The following PPIG variants were observed in gnomAD, a reference collection of about 807,000 sequenced individuals.
PPIG encodes the protein peptidyl-prolyl cis-trans isomerase G.
In PPIG, 26 loss-of-function variants were observed where a neutral mutation model predicts 87.9. The ratio of observed to expected loss-of-function variants is 0.30; its 90% CI spans 0.22 to 0.41. PPIG has a LOEUF of 0.41. Ranked by LOEUF, PPIG falls within the 10% of genes least tolerant of loss-of-function variation. The probability of loss-of-function intolerance (pLI) is 1.00; values close to 1 mark genes in which losing one functional copy is unlikely to be tolerated. For missense variants in PPIG, 722 were observed against 879.4 expected (o/e 0.82, Z 2.26); for synonymous variants, 308 against 276.5 (o/e 1.11, Z -1.13).
chr2:169,607,318 G>A (rs1426917582), intron 6 of PPIG, among the ~76,000 whole-genome samples, 170 bp downstream of exon 6: 1 of 151,962 alleles, frequency 6.6e-6, no homozygotes, highest in Non-Finnish European at 1.5e-5. Flanking sequence ...TATACAGATG[G>A]GTATTTTTTC....
In PPIG at chr2:169,637,176, AACAAAG is replaced by A; in HGVS notation, c.1924_1929del (p.Asp642_Lys643del). 6.2e-7 allele frequency: 1 copy of A among 1,613,198 alleles called. No homozygotes were observed. Among genetic ancestry groups the A allele is most frequent in the Non-Finnish European group, 8.5e-7 (1 of 1,179,802 alleles). ...AGAGAGAGAAGAAAGTCAAAGCAGA[AACAAAG>A]ACAAATACAGAAACCAAGAGAGTAA... On this transcript the variant is annotated inframe_deletion, in exon 14 of 14. Coordinates refer to ENST00000260970, the MANE Select transcript of PPIG (RefSeq NM_004792.3).
At chr2:169,613,563 G>A (rs1685543733) in intron 7 of PPIG, among the ~76,000 whole-genome samples, 1 of 151,912 alleles carries the variant, frequency 6.6e-6, no homozygotes, top group South Asian at 2.1e-4. Context: ...AAATAATTTC[G>A]TTTGCCAAAA....
intron 12 of PPIG, among the ~76,000 whole-genome samples, chr2:169,633,778 T>G (rs1686116982): frequency 6.6e-6 from 1 of 152,092 alleles, no homozygotes; most frequent in African/African-American, 2.4e-5. Context: ...TCCAGTGGAT[T>G]CTTTTCAGTC....
chr2:169,588,150 C>A (rs747517811), intron 1 of PPIG, among the ~76,000 whole-genome samples: 1 of 145,406 alleles, frequency 6.9e-6, no homozygotes, highest in Non-Finnish European at 1.5e-5. Flanking sequence ...GGGAAACGAG[C>A]GAAACTCCAT....
In PPIG at chr2:169,637,623, G is replaced by T; in HGVS notation, c.*100G>T. 3.2e-6 allele frequency: 4 copies of T among 1,265,944 alleles called. No individual in the cohort carries two copies. The highest frequency in any genetic ancestry group is 1.7e-5 in the South Asian group (1 of 57,696). The allele number at this position is 1,265,944 out of a possible 1,614,324, so 78.4% of individuals were successfully genotyped here. A position where few individuals can be genotyped will look rare whatever the true frequency, so the allele number is the denominator to read the frequency against. ...GTTGTTTTCCTTTTCATTGTTTTTG[G>T]ATTGTTTTATGTTTGTCCTTTTTTT... On this transcript the variant is annotated 3_prime_UTR_variant, in exon 14 of 14. Coordinates refer to ENST00000260970, the MANE Select transcript of PPIG (RefSeq NM_004792.3).
At chr2:169,618,822 A>G (rs1460882640) in intron 9 of PPIG, among the ~76,000 whole-genome samples, 1 of 114,824 alleles carries the variant, frequency 8.7e-6, no homozygotes, top group Non-Finnish European at 1.8e-5. Context: ...TTCTGGATTC[A>G]TTGATTTTTT....
At chr2:169,621,778 T>G (rs1468510206) in intron 9 of PPIG, among the ~76,000 whole-genome samples, 1 of 151,678 alleles carries the variant, frequency 6.6e-6, no homozygotes, top group Non-Finnish European at 1.5e-5. Context: ...ACACTTGTGT[T>G]AGGATCTGTT....
At chr2:169,633,341 A>G (rs1350788166) in intron 12 of PPIG, 94 bp downstream of exon 12, 5 of 997,488 alleles carry the variant, frequency 5.0e-6, no homozygotes, top group Non-Finnish European at 7.7e-6. Flanking sequence ...TTAATGTGCA[A>G]GTAACTAAAA....
At chr2:169,613,670 T>G (rs1685546666) in intron 7 of PPIG, among the ~76,000 whole-genome samples, 1 of 152,184 alleles carries the variant, frequency 6.6e-6, no homozygotes, top group Admixed American at 6.5e-5. Context: ...GACTCATACT[T>G]GTAATCCCAG....
chr2:169,636,396 T>G lies in PPIG; in HGVS notation c.1155-17T>G, dbSNP rs1184406655. On this transcript the variant is annotated splice_polypyrimidine_tract_variant and intron_variant, in intron 13 of 13. Transcript: ENST00000260970. ...TTTCCTAATAACATTTCCCCAATTC[T>G]TTTTCTTATTTTTTAGGAGTGAGTT... 1 of 1,502,208 alleles carries G rather than the reference T, an allele frequency of 6.7e-7. No individual in the cohort carries two copies. Among genetic ancestry groups the G allele is most frequent in the South Asian group, 1.4e-5 (1 of 73,912 alleles). 93.1% of individuals were successfully genotyped at this position (1,502,208 alleles called of 1,614,324 possible).
chr2:169,603,969 T>G (rs1212623838), intron 2 of PPIG, 57 bp from the exon 3 acceptor site: 1 of 1,365,210 alleles, frequency 7.3e-7, no homozygotes, highest in South Asian at 1.3e-5. Context: ...TTCCAGAAAT[T>G]TGTGAAAGAT....
In PPIG at chr2:169,636,569, C is replaced by T. The variant is rs1191212735; in HGVS notation, c.1311C>T (p.Asp437=). ...ATAAATCTAACAGCAAAGAGAGAGACATCAGAAGAAATTCAGAAAAAGATG... is the reference window on the plus strand; with the variant it reads ...ATAAATCTAACAGCAAAGAGAGAGATATCAGAAGAAATTCAGAAAAAGATG... ...KDHKSNSKER[D]IRRNSEKDDK... The change falls in exon 14 of 14, where the codon GAC becomes GAT. Residue 437 remains aspartate (D), a synonymous_variant. Coordinates refer to ENST00000260970, the MANE Select transcript of PPIG (RefSeq NM_004792.3). The T allele has an allele frequency of 1.9e-6, 3 of 1,597,832 alleles. No individual in the cohort carries two copies. The highest frequency in any genetic ancestry group is 1.4e-5 in the African/African-American group (1 of 73,512).
At chr2:169,588,861 A>G (rs981918187) in intron 1 of PPIG, among the ~76,000 whole-genome samples, 1 of 147,458 alleles carries the variant, frequency 6.8e-6, no homozygotes, top group Non-Finnish European at 1.5e-5. Flanking sequence ...TCGGAGGCTG[A>G]GGCAGGAGAA....
chr2:169,597,121 C>T (rs1372466767), intron 1 of PPIG, among the ~76,000 whole-genome samples: 2 of 151,950 alleles, frequency 1.3e-5, no homozygotes, highest in Admixed American at 1.3e-4. Flanking sequence ...ATATGATTTC[C>T]TTTCTTTTGA....
At chr2:169,625,130 T>C (rs1685850593) in intron 9 of PPIG, among the ~76,000 whole-genome samples, 1 of 152,248 alleles carries the variant, frequency 6.6e-6, no homozygotes, top group Non-Finnish European at 1.5e-5. Context: ...AATTTTGAAA[T>C]GTACAATACA....
intron 1 of PPIG, among the ~76,000 whole-genome samples, chr2:169,601,906 C>A (rs373323503): frequency 7.8e-4 from 108 of 138,504 alleles, no homozygotes; most frequent in African/African-American, 7.7e-4. Context: ...AAGACTTGTA[C>A]AAAAAAAAAA....
intron 1 of PPIG, among the ~76,000 whole-genome samples, chr2:169,586,651 C>T (rs1684713093): frequency 1.3e-5 from 2 of 152,158 alleles, no homozygotes; most frequent in Non-Finnish European, 2.9e-5. Context: ...GCATCCTCTT[C>T]TTTATACAAA....
intron 1 of PPIG, among the ~76,000 whole-genome samples, chr2:169,589,892 C>T (rs1424102522): frequency 6.6e-6 from 1 of 152,042 alleles, no homozygotes; most frequent in Non-Finnish European, 1.5e-5. Flanking sequence ...GGCGGATCAC[C>T]TGCGATTGGG....
At chr2:169,605,831 A>G (rs1273613306) in intron 4 of PPIG, among the ~76,000 whole-genome samples, 1 of 152,138 alleles carries the variant, frequency 6.6e-6, no homozygotes, top group Non-Finnish European at 1.5e-5. Context: ...ATTAGTTGTA[A>G]AGGTATATTA....
Sources: allele counts gnomAD v4.1 joint callset (sites outside exome capture counted in the v4.1 genomes callset), GRCh38; gene constraint gnomAD v4.1.1; transcripts MANE v1.5; gene names NCBI Gene and HGNC (gene_info 2026-07-23, HGNC 2026-07-21).